WDFY2: variants seen among roughly 807,000 people sequenced by gnomAD.
The protein encoded by WDFY2 is WD repeat and FYVE domain containing 2.
In WDFY2, 36 loss-of-function variants were observed where a neutral mutation model predicts 56.4. That is an observed-to-expected ratio of 0.64 (90% CI 0.49 to 0.84). WDFY2 has a LOEUF of 0.84. Ranked by LOEUF, WDFY2 falls within the 40% of genes least tolerant of loss-of-function variation. WDFY2 has a pLI of 0.00. For synonymous variants in WDFY2, 176 were observed against 183.7 expected, an observed-to-expected ratio of 0.96 and a Z score of 0.34; for missense variants, 444 against 512.2, an observed-to-expected ratio of 0.87 and a Z score of 1.29.
chr13:51,746,375 G>A (rs1273537003), intron 7 of WDFY2, among the ~76,000 whole-genome samples: 2 of 152,220 alleles, frequency 1.3e-5, no homozygotes, highest in African/African-American at 4.8e-5. Context: ...CCATTTGCTA[G>A]GTTCTTGGCC....
intron 7 of WDFY2, among the ~76,000 whole-genome samples, chr13:51,742,639 GTAATTTTTCTTTC>G (rs976238526): frequency 6.6e-6 from 1 of 152,080 alleles, no homozygotes; most frequent in Non-Finnish European, 1.5e-5. Context: ...CTTCACGCCC[GTAATTTTTCTTTC>G]TAATAGTGTT....
chr13:51,667,960 C>T (rs1468447685), intron 2 of WDFY2, among the ~76,000 whole-genome samples: 4 of 129,890 alleles, frequency 3.1e-5, no homozygotes, highest in African/African-American at 8.9e-5. Context: ...GGCACGATCT[C>T]GGCTCACTGC....
intron 2 of WDFY2, among the ~76,000 whole-genome samples, chr13:51,662,210 A>G (rs1593954225): frequency 6.6e-6 from 1 of 151,746 alleles, no homozygotes; most frequent in African/African-American, 2.4e-5. Flanking sequence ...ACCTCAGGTA[A>G]CCCACCTGCC....
At chr13:51,735,948 C>G (rs140084089) in intron 6 of WDFY2, among the ~76,000 whole-genome samples, 5 of 152,184 alleles carry the variant, frequency 3.3e-5, no homozygotes, top group African/African-American at 1.2e-4. Context: ...TCCTAACTCT[C>G]TGTGTTGCCA....
chr13:51,740,287 C>G (rs1325550080), intron 7 of WDFY2, among the ~76,000 whole-genome samples: 1 of 152,202 alleles, frequency 6.6e-6, no homozygotes, highest in African/African-American at 2.4e-5. Flanking sequence ...TGGGGTCACT[C>G]CTGGCTTGTG....
chr13:51,684,997 G>C (rs1312245701), intron 3 of WDFY2, among the ~76,000 whole-genome samples: 1 of 152,026 alleles, frequency 6.6e-6, no homozygotes, highest in Non-Finnish European at 1.5e-5. Context: ...TCCCCACTTG[G>C]TCAGTCTCAC....
At chr13:51,620,146 A>C (rs1954697623) in intron 1 of WDFY2, among the ~76,000 whole-genome samples, 1 of 142,320 alleles carries the variant, frequency 7.0e-6, no homozygotes, top group South Asian at 2.3e-4. Flanking sequence ...ACTTTTAGAT[A>C]AATGTTCCTT....
At chr13:51,672,039 C>A (rs1041999978) in intron 2 of WDFY2, among the ~76,000 whole-genome samples, 2 of 152,178 alleles carry the variant, frequency 1.3e-5, no homozygotes, top group African/African-American at 4.8e-5. Flanking sequence ...CCATCTCAGC[C>A]TCCCAAAGTG....
At chr13:51,715,615 A>AAT (rs1952327515) in intron 4 of WDFY2, among the ~76,000 whole-genome samples, 3 of 152,148 alleles carry the variant, frequency 2.0e-5, no homozygotes, top group Admixed American at 6.5e-5. Context: ...AACATTTTAA[A>AAT]ATATATATAT....
At chr13:51,715,418 A>G (rs1952322341) in intron 4 of WDFY2, among the ~76,000 whole-genome samples, 1 of 152,116 alleles carries the variant, frequency 6.6e-6, no homozygotes, top group Non-Finnish European at 1.5e-5. Context: ...ACACAAACAC[A>G]CGCATTAGCC....
At chr13:51,713,495 T>G (rs1952271108) in intron 4 of WDFY2, among the ~76,000 whole-genome samples, 1 of 152,196 alleles carries the variant, frequency 6.6e-6, no homozygotes, top group African/African-American at 2.4e-5. Context: ...TACAGTGGAA[T>G]ATTATTCAAC....
At chr13:51,682,183 G>T (rs551970639) in intron 3 of WDFY2, among the ~76,000 whole-genome samples, 2 of 152,304 alleles carry the variant, frequency 1.3e-5, no homozygotes, top group African/African-American at 4.8e-5. Context: ...AGTCATTTAT[G>T]CACTATCTAC....
chr13:51,668,295 A>G (rs1264557877), intron 2 of WDFY2, among the ~76,000 whole-genome samples: 1 of 152,184 alleles, frequency 6.6e-6, no homozygotes, highest in African/African-American at 2.4e-5. Context: ...TTTGATTTTC[A>G]TCTGACGGGG....
chr13:51,695,975 C>G (rs571167142), intron 3 of WDFY2, among the ~76,000 whole-genome samples: 1 of 152,198 alleles, frequency 6.6e-6, no homozygotes, highest in Non-Finnish European at 1.5e-5. Flanking sequence ...TAGGACCCTC[C>G]GAGCCAGGTG....
chr13:51,716,692 CAAAA>C (rs34618973), intron 4 of WDFY2, among the ~76,000 whole-genome samples: 71 of 55,132 alleles, frequency 1.3e-3, no homozygotes, highest in African/African-American at 4.5e-3. Flanking sequence ...GACTCCGTCT[CAAAA>C]AAAAAAAAAA....
At chr13:51,759,717 G>C in intron 11 of WDFY2, 23 bp from the exon 12 acceptor site, 1 of 1,613,632 alleles carries the variant, frequency 6.2e-7, no homozygotes, top group South Asian at 1.1e-5. Flanking sequence ...AGTTCATTCT[G>C]TATCTTCTTT....
intron 1 of WDFY2, among the ~76,000 whole-genome samples, chr13:51,611,901 T>C (rs1470925388): frequency 3.9e-5 from 6 of 152,164 alleles, no homozygotes; most frequent in African/African-American, 1.2e-4. Flanking sequence ...ATGTGACTAC[T>C]TGGAGCTACA....
chr13:51,664,279 G>C (rs888230284), intron 2 of WDFY2, among the ~76,000 whole-genome samples: 3 of 152,172 alleles, frequency 2.0e-5, no homozygotes, highest in African/African-American at 7.2e-5. Context: ...GTAGAAGGGA[G>C]CCAGGAAAAA....
intron 1 of WDFY2, among the ~76,000 whole-genome samples, chr13:51,604,805 C>G (rs1954354676): frequency 6.6e-6 from 1 of 152,040 alleles, no homozygotes; most frequent in Non-Finnish European, 1.5e-5. Context: ...AGTGGGAGGT[C>G]TAGTTAAAGG....
Sources: gnomAD v4.1 joint callset for allele counts (sites outside exome capture counted in the v4.1 genomes callset) on GRCh38, gnomAD v4.1.1 for gene constraint, MANE v1.5 for transcripts, NCBI Gene and HGNC (gene_info 2026-07-23, HGNC 2026-07-21) for gene names.